Variants in SLC35F4 observed in about 807,000 individuals in gnomAD.
The protein encoded by SLC35F4 is chromosome 14 open reading frame 36.
A neutral mutation model predicts 44.2 loss-of-function variants in SLC35F4; 24 were observed. The observed-to-expected ratio is 0.54, with a 90% CI of 0.39 to 0.76. The LOEUF is 0.76. Among genes scored for constraint, SLC35F4 ranks in the 30% least tolerant of loss-of-function variants. The pLI, the probability that SLC35F4 is intolerant of heterozygous loss-of-function variation, is 0.00. For synonymous variants in SLC35F4, 238 were observed against 223.6 expected, an observed-to-expected ratio of 1.06 and a Z score of -0.57; for missense variants, 562 against 586.1, an observed-to-expected ratio of 0.96 and a Z score of 0.42.
intron 4 of SLC35F4, among the ~76,000 whole-genome samples, chr14:57,579,980 G>C (rs770953909): frequency 6.6e-6 from 1 of 152,208 alleles, no homozygotes; most frequent in Non-Finnish European, 1.5e-5. Context: ...TAGACAGCCA[G>C]CACCAGTGCC....
At chr14:57,584,178 T>G (rs145833634) in intron 3 of SLC35F4, among the ~76,000 whole-genome samples, 86 of 152,274 alleles carry the variant, frequency 5.6e-4, no homozygotes, top group African/African-American at 2.0e-3. Flanking sequence ...TTTTTCTTCC[T>G]AAATTTCAAA....
At chr14:57,978,990 T>C (rs928220574) in intron 1 of SLC35F4, among the ~76,000 whole-genome samples, 37 of 152,312 alleles carry the variant, frequency 2.4e-4, no homozygotes, top group African/African-American at 8.7e-4. Flanking sequence ...CTGGAACCTA[T>C]GGGATTCATA....
intron 4 of SLC35F4, among the ~76,000 whole-genome samples, chr14:57,577,380 T>C (rs2068864270): frequency 6.6e-6 from 1 of 152,164 alleles, no homozygotes; most frequent in Admixed American, 6.5e-5. Context: ...CTGGAAAATA[T>C]GTGGCTCCCA....
At chr14:57,924,142 G>A in intron 1 of SLC35F4, among the ~76,000 whole-genome samples, 1 of 152,216 alleles carries the variant, frequency 6.6e-6, no homozygotes, top group Non-Finnish European at 1.5e-5. Flanking sequence ...CAGCCATGTG[G>A]AACTGTAAGT....
At chr14:57,767,818 G>A (rs965224160) in intron 1 of SLC35F4, among the ~76,000 whole-genome samples, 2 of 151,930 alleles carry the variant, frequency 1.3e-5, no homozygotes, top group Non-Finnish European at 2.9e-5. Context: ...GATCAAGTAT[G>A]GAACAAAGGA....
At chr14:57,603,163 T>G (rs2070929361) in intron 1 of SLC35F4, among the ~76,000 whole-genome samples, 1 of 152,238 alleles carries the variant, frequency 6.6e-6, no homozygotes, top group South Asian at 2.1e-4. Flanking sequence ...TCTATTTTGC[T>G]GATTCTAGAT....
In SLC35F4 at chr14:57,911,936, A is replaced by T. The variant is rs1889223921; in HGVS notation, n.282+69977T>A. Among the ~76,000 whole-genome samples the T allele has an allele frequency of 2.0e-5, 3 of 151,972 alleles. No individual in the cohort carries two copies. In the South Asian group the frequency reaches 6.2e-4, roughly 31 times the overall value. On this transcript the variant is annotated intron_variant and non_coding_transcript_variant, in intron 1 of 1. Transcript: ENST00000556568. ...TGCTTTCTATTTTGGAAGGTTATTA[A>T]TTATTGATTAAATTTATTTAACAGG...
intron 1 of SLC35F4, among the ~76,000 whole-genome samples, chr14:57,753,144 A>G (rs2076923394): frequency 1.3e-5 from 2 of 152,172 alleles, no homozygotes; most frequent in African/African-American, 4.8e-5. Flanking sequence ...TCATTATGAT[A>G]TGCACTATTT....
chr14:57,590,047 A>G (rs1025954132), intron 2 of SLC35F4, among the ~76,000 whole-genome samples: 4 of 151,226 alleles, frequency 2.6e-5, no homozygotes, highest in Non-Finnish European at 5.9e-5. Flanking sequence ...ATGAAAAGCG[A>G]GTGAGAAATA....
chr14:57,822,100 T>C (rs1488311171), intron 1 of SLC35F4, among the ~76,000 whole-genome samples: 1 of 152,238 alleles, frequency 6.6e-6, no homozygotes, highest in Non-Finnish European at 1.5e-5. Flanking sequence ...ACCCAGTGGC[T>C]GTTCTCTGGC....
chr14:57,903,179 A>G (rs929240752), intron 1 of SLC35F4, among the ~76,000 whole-genome samples: 4 of 152,166 alleles, frequency 2.6e-5, no homozygotes, highest in Non-Finnish European at 2.9e-5. Context: ...TTGGTTTTGT[A>G]GTAGGGAAGA....
intron 1 of SLC35F4, among the ~76,000 whole-genome samples, chr14:57,660,071 G>A (rs1015579656): frequency 1.3e-5 from 2 of 152,188 alleles, no homozygotes; most frequent in Admixed American, 1.3e-4. Flanking sequence ...CAAATGCTTG[G>A]AAGATATGTG....
intron 1 of SLC35F4, among the ~76,000 whole-genome samples, chr14:57,970,812 T>C (rs1347428528): frequency 6.6e-6 from 1 of 152,186 alleles, no homozygotes; most frequent in Admixed American, 6.5e-5. Context: ...ACAGCCTCTC[T>C]AGTCAGCACT....
At chr14:57,602,089 G>C (rs539167067) in intron 1 of SLC35F4, among the ~76,000 whole-genome samples, 30 of 151,716 alleles carry the variant, frequency 2.0e-4, no homozygotes, top group South Asian at 1.2e-3. Context: ...AATACATTAA[G>C]GTGAGCAATT....
chr14:57,675,276 C>T (rs930002298), intron 1 of SLC35F4, among the ~76,000 whole-genome samples: 10 of 152,006 alleles, frequency 6.6e-5, no homozygotes, highest in African/African-American at 2.4e-4. Flanking sequence ...AAAGACTAAA[C>T]AAATATTGAA....
At chr14:57,965,255 G>A (rs1890416953) in intron 1 of SLC35F4, among the ~76,000 whole-genome samples, 1 of 152,070 alleles carries the variant, frequency 6.6e-6, no homozygotes. Context: ...CACTCCTTGA[G>A]TTATTGTTCC....
chr14:57,908,925 T>A (rs1322592892), intron 1 of SLC35F4, among the ~76,000 whole-genome samples: 1 of 152,262 alleles, frequency 6.6e-6, no homozygotes, highest in African/African-American at 2.4e-5. Context: ...GGGTTTTACA[T>A]GTGAGTCTTT....
At chr14:57,692,616 T>G (rs898655351) in intron 1 of SLC35F4, among the ~76,000 whole-genome samples, 1 of 152,164 alleles carries the variant, frequency 6.6e-6, no homozygotes, top group Non-Finnish European at 1.5e-5. Flanking sequence ...CTTAAATTTT[T>G]AAATTTTCTG....
At chr14:57,801,448 A>C (rs2140855424) in intron 1 of SLC35F4, among the ~76,000 whole-genome samples, 1 of 152,354 alleles carries the variant, frequency 6.6e-6, no homozygotes, top group South Asian at 2.1e-4. Flanking sequence ...CTGCAAAGCA[A>C]CCACATAAAC....
Sources: allele counts gnomAD v4.1 joint callset (sites outside exome capture counted in the v4.1 genomes callset), GRCh38; gene constraint gnomAD v4.1.1; transcripts MANE v1.5; gene names NCBI Gene and HGNC (gene_info 2026-07-23, HGNC 2026-07-21).